Variants in NDUFB8 observed in about 807,000 individuals in gnomAD.
NDUFB8 encodes the protein NADH dehydrogenase [ubiquinone] 1 beta subcomplex subunit 8, mitochondrial.
A neutral mutation model predicts 26.0 loss-of-function variants in NDUFB8; 17 were observed. That is an observed-to-expected ratio of 0.65 (90% CI 0.45 to 0.98). The LOEUF (loss-of-function observed/expected upper bound fraction) is 0.98. Ranked by LOEUF, NDUFB8 falls within the 50% of genes least tolerant of loss-of-function variation. The pLI, the probability that NDUFB8 is intolerant of heterozygous loss-of-function variation, is 0.00. For missense variants in NDUFB8, 238 were observed against 255.0 expected, an observed-to-expected ratio of 0.93 and a Z score of 0.45; for synonymous variants, 89 against 93.1, an observed-to-expected ratio of 0.96 and a Z score of 0.25.
chr10:100,527,713 A>G (rs563604303), intron 2 of NDUFB8, among the ~76,000 whole-genome samples: 4 of 152,358 alleles, frequency 2.6e-5, no homozygotes, highest in South Asian at 4.1e-4. Context: ...TTAGCAATCA[A>G]TTACAGTCAT....
intron 4 of NDUFB8, 187 bp downstream of exon 4, chr10:100,526,212 A>G: frequency 1.8e-6 from 1 of 563,560 alleles, no homozygotes; most frequent in Non-Finnish European, 2.9e-6. Flanking sequence ...TGGTCCAAGA[A>G]GTAGGGGTGG....
chr10:100,529,876 C>G (rs374820120), upstream of NDUFB8: 15 of 1,612,552 alleles, frequency 9.3e-6, no homozygotes, highest in African/African-American at 5.3e-5. Flanking sequence ...CGTTTCCCTT[C>G]TGCACATGCG....
chr10:100,526,291 C>T (rs1852048767), intron 4 of NDUFB8, 108 bp downstream of exon 4: 2 of 1,333,538 alleles, frequency 1.5e-6, no homozygotes, highest in Non-Finnish European at 2.0e-6. Context: ...TCCTAAGACT[C>T]CAGGAAGCCA....
rs1448684622 is a variant in NDUFB8, at chr10:100,524,029, G to A, written c.469-100C>T. On this transcript the variant is annotated intron_variant, in intron 4 of 4. Coordinates refer to ENST00000299166, the MANE Select transcript of NDUFB8 (RefSeq NM_005004.4). This position sits in a 1 kb window ranked among gnomAD's most constrained non-coding sequence, Gnocchi z 4.0. ...ATCACGCATGGTAAATGGGTACACA[G>A]TAGCCTCTGGTCAGACCCAGCTGGG... The A allele has an allele frequency of 6.9e-6, 11 of 1,590,752 alleles. No individual in the cohort carries two copies. In the East Asian group the frequency reaches 2.0e-4, roughly 29 times the overall value.
chr10:100,526,336 T>C, intron 4 of NDUFB8, 63 bp downstream of exon 4: 1 of 1,508,658 alleles, frequency 6.6e-7, no homozygotes, highest in South Asian at 1.4e-5. Context: ...CCCCAGAGAC[T>C]TCACTCCCTC....
At chr10:100,528,805 C>T (rs1239641187) in intron 2 of NDUFB8, among the ~76,000 whole-genome samples, 1 of 152,140 alleles carries the variant, frequency 6.6e-6, no homozygotes, top group East Asian at 1.9e-4. Context: ...GATAATTAAC[C>T]ATTGGGATGT....
chr10:100,529,889 A>C, upstream of NDUFB8: 1 of 1,598,828 alleles, frequency 6.3e-7, no homozygotes, highest in Non-Finnish European at 8.5e-7. Context: ...CACATGCGCA[A>C]AGGCCTGTCA....
At chr10:100,525,067 C>T (rs1852020412) in intron 4 of NDUFB8, among the ~76,000 whole-genome samples, 1 of 152,142 alleles carries the variant, frequency 6.6e-6, no homozygotes, top group South Asian at 2.1e-4. Flanking sequence ...ATCAGAATTA[C>T]CTGGGAGCTT....
Position 100,529,777 on chromosome 10 carries a change from G to A in NDUFB8, c.75C>T (p.Gly25=). 1 of 1,613,196 alleles carries A rather than the reference G, an allele frequency of 6.2e-7. No individual in the cohort carries two copies. Among genetic ancestry groups the A allele is most frequent in the African/African-American group, 1.3e-5 (1 of 75,012 alleles). Residue 25 remains glycine, a synonymous_variant, in exon 1 of 5, where the codon GGC becomes GGT. Transcript: ENST00000299166. ...QRASRNVMPL[G]ARTASHMTKD... The stretch of plus-strand genomic sequence containing the variant: ...CCCGTTCTCGCGGACCTGTCCGTGC[G>A]CCCAGCGGCATCACGTTCCGGGATG...
In NDUFB8 at chr10:100,529,766, C is replaced by A; in HGVS notation, c.85+1G>T. 1 of 1,613,122 alleles carries A rather than the reference C, an allele frequency of 6.2e-7. No homozygotes were observed. Among genetic ancestry groups the A allele is most frequent in the Non-Finnish European group, 8.5e-7 (1 of 1,179,798 alleles). ...CTGAGGTCTCGCCCGTTCTCGCGGA[C>A]CTGTCCGTGCGCCCAGCGGCATCAC... On this transcript the variant is annotated splice_donor_variant, in intron 1 of 4. Coordinates refer to ENST00000299166, the MANE Select transcript of NDUFB8 (RefSeq NM_005004.4). LOFTEE classifies it high-confidence loss of function.
chr10:100,527,169 A>G (rs1429486570), intron 2 of NDUFB8, 95 bp from the exon 3 acceptor site: 12 of 1,000,724 alleles, frequency 1.2e-5, no homozygotes, highest in Non-Finnish European at 1.9e-5. Flanking sequence ...AGTGACAGAG[A>G]TAACTGCCTC....
At chr10:100,528,630 C>G (rs574129715) in intron 2 of NDUFB8, among the ~76,000 whole-genome samples, 2 of 152,116 alleles carry the variant, frequency 1.3e-5, no homozygotes, top group Non-Finnish European at 2.9e-5. Context: ...ACACTGGCTT[C>G]GAACAAGGCT....
chr10:100,524,885 GCA>G lies in NDUFB8; in HGVS notation c.469-958_469-957del, dbSNP rs534829319. Among the ~76,000 whole-genome samples the G allele has an allele frequency of 4.3e-3, 656 of 152,306 alleles. 3 individuals carry two copies. Among genetic ancestry groups the G allele is most frequent in the African/African-American group, 0.015 (604 of 41,564 alleles). On this transcript the variant is annotated intron_variant, in intron 4 of 4. Transcript: ENST00000299166. The surrounding 1 kb of genome is among the most constrained non-coding windows in gnomAD (Gnocchi z 4.0). Reference sequence around the variant, plus strand: ...GTCATCACTGTATCCCCAACCGCTAGCACAGTCTGCATCTGGTACATAGTACA... The same window carrying G: ...GTCATCACTGTATCCCCAACCGCTAGCAGTCTGCATCTGGTACATAGTACA...
rs1293093629 is a variant in NDUFB8, at chr10:100,524,441, G to A, written c.469-512C>T. Reference sequence around the variant, plus strand: ...AAGGCTGGGACGTGCTTTAGGGGCTGCTGGCTTTACCAACAAACAGCTGTC... The same window carrying A: ...AAGGCTGGGACGTGCTTTAGGGGCTACTGGCTTTACCAACAAACAGCTGTC... On this transcript the variant is annotated intron_variant, in intron 4 of 4. Transcript: ENST00000299166. The surrounding 1 kb of genome is among the most constrained non-coding windows in gnomAD (Gnocchi z 4.0). 5.9e-5 allele frequency among the ~76,000 whole-genome samples: 9 copies of A among 152,316 alleles called. No individual in the cohort carries two copies. The highest frequency in any genetic ancestry group is 1.9e-4 in the African/African-American group (8 of 41,576).
intron 3 of NDUFB8, 152 bp downstream of exon 3, chr10:100,526,823 G>A: frequency 1.3e-6 from 1 of 774,130 alleles, no homozygotes; most frequent in Non-Finnish European, 2.1e-6. Flanking sequence ...CATTCAGTGT[G>A]CCACATGCAA....
intron 4 of NDUFB8, chr10:100,526,196 C>A (rs1254781754): frequency 5.9e-6 from 3 of 510,860 alleles, no homozygotes; most frequent in Admixed American, 4.2e-5. Flanking sequence ...ATCTACTCAC[C>A]CAGACTGGTC....
chr10:100,526,808 C>A (rs375004683), intron 3 of NDUFB8, 167 bp downstream of exon 3: 7 of 734,300 alleles, frequency 9.5e-6, no homozygotes, highest in Non-Finnish European at 1.6e-5. Flanking sequence ...GATTCCCAGA[C>A]GTCCCATTCA....
At chr10:100,527,489 G>C (rs1852072577) in intron 2 of NDUFB8, among the ~76,000 whole-genome samples, 1 of 152,114 alleles carries the variant, frequency 6.6e-6, no homozygotes, top group Non-Finnish European at 1.5e-5. Context: ...TGTAATATCA[G>C]CTACTCAGGA....
Position 100,526,504 on chromosome 10 carries a change from G to T in NDUFB8, c.363C>A (p.Pro121=), listed in dbSNP as rs1852054334. The change falls in exon 4 of 5, where the codon CCC becomes CCA. Residue 121 remains proline, a synonymous_variant. Transcript: ENST00000299166. The stretch of plus-strand genomic sequence containing the variant: ...ACATGACATGCCAAGAAACAGGTGT[G>T]GGGGATGTATCCACACGGTTCCTGT... ...MYNRNRVDTS[P]TPVSWHVMCM... is the part of the protein sequence containing the mutation. The T allele has an allele frequency of 3.1e-6, 5 of 1,611,004 alleles. No homozygotes were observed. The highest frequency in any genetic ancestry group is 4.2e-6 in the Non-Finnish European group (5 of 1,179,246).
Sources: gnomAD v4.1 joint callset for allele counts (sites outside exome capture counted in the v4.1 genomes callset) on GRCh38, gnomAD v4.1.1 for gene constraint, Gnocchi (gnomAD v3.1) non-coding constraint, MANE v1.5 for transcripts, NCBI Gene and HGNC (gene_info 2026-07-23, HGNC 2026-07-21) for gene names.